Variants in MACROD2 observed in about 807,000 individuals in gnomAD.
MACROD2 encodes the protein mono-ADP ribosylhydrolase 2.
A neutral mutation model predicts 70.4 loss-of-function variants in MACROD2; 36 were observed. That is an observed-to-expected ratio of 0.51 (90% CI 0.39 to 0.68). The LOEUF (loss-of-function observed/expected upper bound fraction) is 0.68. Among genes scored for constraint, MACROD2 ranks in the 30% least tolerant of loss-of-function variants. MACROD2 has a pLI of 0.00. For missense variants in MACROD2, 496 were observed against 538.4 expected (o/e 0.92, Z 0.78); for synonymous variants, 172 against 178.8 (o/e 0.96, Z 0.30).
chr20:14,127,795 A>G (rs1055315754), intron 3 of MACROD2: 4 of 453,740 alleles, frequency 8.8e-6, no homozygotes, highest in African/African-American at 4.0e-5. Flanking sequence ...GCAAAAGAGA[A>G]AATTGAAGAG....
intron 3 of MACROD2, among the ~76,000 whole-genome samples, chr20:14,401,452 T>C (rs1218348355): frequency 6.6e-6 from 1 of 152,204 alleles, no homozygotes; most frequent in African/African-American, 2.4e-5. Flanking sequence ...CCTGAAATTT[T>C]TGTTTGTGTA....
rs532014476 is a variant in MACROD2, at chr20:14,155,623, T to C, written c.271+69895T>C. On this transcript the variant is annotated intron_variant, in intron 3 of 17. Coordinates refer to ENST00000684519, the MANE Select transcript of MACROD2 (RefSeq NM_001351661.2). ...TTTAAACAAGTCAAGATAAATGTGT[T>C]CCTGGCTTTTTTAATCTTAAAATAG... Among the ~76,000 whole-genome samples, 12 of 152,316 alleles carry C rather than the reference T, an allele frequency of 7.9e-5. No homozygotes were observed. The East Asian group carries it at 2.1e-3, about 27-fold the overall frequency.
At chr20:14,897,272 C>G (rs2073841751) in intron 5 of MACROD2, among the ~76,000 whole-genome samples, 1 of 151,970 alleles carries the variant, frequency 6.6e-6, no homozygotes, top group South Asian at 2.1e-4. Context: ...AGGTGGGTGT[C>G]TAATGTAACT....
chr20:15,090,467 C>T (rs943964244), intron 5 of MACROD2, among the ~76,000 whole-genome samples: 6 of 151,988 alleles, frequency 3.9e-5, no homozygotes, highest in African/African-American at 1.4e-4. Context: ...CTTACAAGAA[C>T]AAAAGGTACA....
At chr20:14,348,169 T>C (rs2083082347) in intron 3 of MACROD2, among the ~76,000 whole-genome samples, 1 of 151,402 alleles carries the variant, frequency 6.6e-6, no homozygotes, top group Non-Finnish European at 1.5e-5. Context: ...CTTGGGAGGC[T>C]GAGGCAGGAG....
intron 5 of MACROD2, among the ~76,000 whole-genome samples, chr20:14,794,299 T>TTCCTACTACA (rs2072486127): frequency 6.6e-6 from 1 of 152,154 alleles, no homozygotes; most frequent in Non-Finnish European, 1.5e-5. Context: ...TCCTACTTAC[T>TTCCTACTACA]ATGTCACCAT....
chr20:15,651,514 G>C (rs770031873), intron 8 of MACROD2, among the ~76,000 whole-genome samples: 59 of 152,090 alleles, frequency 3.9e-4, no homozygotes, highest in African/African-American at 1.4e-3. Flanking sequence ...ATTCGGCTTT[G>C]TGGGTTTTAT....
intron 4 of MACROD2, among the ~76,000 whole-genome samples, chr20:14,600,651 C>T (rs1452450747): frequency 1.3e-5 from 2 of 152,080 alleles, no homozygotes; most frequent in African/African-American, 4.8e-5. Context: ...AATTAAATGA[C>T]ATTTATAAAG....
intron 3 of MACROD2, among the ~76,000 whole-genome samples, chr20:14,165,244 G>A (rs1395888590): frequency 1.3e-5 from 2 of 152,112 alleles, no homozygotes; most frequent in South Asian, 2.1e-4. Flanking sequence ...TGGTCTCAGG[G>A]CCTGCAGGGG....
Position 15,017,516 on chromosome 20 carries a change from C to T in MACROD2, c.419-212424C>T, listed in dbSNP as rs369290363. ...ATCTGCCATTCTGGGGTCTGGAGGA[C>T]GGTGGTCCTCTTCTCACAGCTCCAC... On this transcript the variant is annotated intron_variant, in intron 5 of 17. Coordinates refer to ENST00000684519, the MANE Select transcript of MACROD2 (RefSeq NM_001351661.2). 2.3e-4 allele frequency among the ~76,000 whole-genome samples: 35 copies of T among 152,260 alleles called. No homozygotes were observed. The South Asian group carries it at 2.7e-3, about 12-fold the overall frequency.
intron 8 of MACROD2, among the ~76,000 whole-genome samples, chr20:15,570,837 C>T (rs1360449241): frequency 6.6e-6 from 1 of 151,698 alleles, no homozygotes; most frequent in Non-Finnish European, 1.5e-5. Flanking sequence ...TGATTGGTTT[C>T]ATAGATCAAA....
chr20:14,820,386 G>A (rs1360467511), intron 5 of MACROD2, among the ~76,000 whole-genome samples: 1 of 83,926 alleles, frequency 1.2e-5, no homozygotes, highest in Middle Eastern at 5.8e-3. Context: ...TGTTTTCTCT[G>A]CTTTAGTTTT....
chr20:15,574,205 T>C (rs2048413957), intron 8 of MACROD2, among the ~76,000 whole-genome samples: 1 of 151,880 alleles, frequency 6.6e-6, no homozygotes, highest in East Asian at 1.9e-4. Context: ...ATACTTGGCA[T>C]GTCATAATGA....
chr20:15,819,297 G>GTATATAAATATATATACTTATA (rs1555783410), intron 8 of MACROD2, among the ~76,000 whole-genome samples: 2 of 136,758 alleles, frequency 1.5e-5, no homozygotes, highest in African/African-American at 5.4e-5. Flanking sequence ...TTATATATAA[G>GTATATAAATATATATACTTATA]TATATAAATA....
intron 6 of MACROD2, among the ~76,000 whole-genome samples, chr20:15,400,893 C>T (rs1386288598): frequency 6.6e-6 from 1 of 152,132 alleles, no homozygotes; most frequent in African/African-American, 2.4e-5. Flanking sequence ...CTCATTTGTG[C>T]CCCATGAGGG....
intron 3 of MACROD2, among the ~76,000 whole-genome samples, chr20:14,317,616 CAAAA>C (rs57339002): frequency 2.7e-5 from 3 of 112,730 alleles, no homozygotes; most frequent in African/African-American, 6.4e-5. Flanking sequence ...GAGACTGTCT[CAAAA>C]AAAAAAAAAA....
At chr20:15,327,544 G>A (rs1034872217) in intron 6 of MACROD2, among the ~76,000 whole-genome samples, 4 of 152,074 alleles carry the variant, frequency 2.6e-5, no homozygotes, top group African/African-American at 9.7e-5. Flanking sequence ...GCAAAAGGGG[G>A]AAAAGCCCCT....
intron 8 of MACROD2, among the ~76,000 whole-genome samples, chr20:15,523,783 G>A (rs2047683309): frequency 6.6e-6 from 1 of 152,198 alleles, no homozygotes; most frequent in Admixed American, 6.5e-5. Flanking sequence ...TTTCTCCATA[G>A]AGAGGTGGTT....
chr20:14,015,351 G>A (rs2052973461), intron 2 of MACROD2, among the ~76,000 whole-genome samples: 1 of 152,164 alleles, frequency 6.6e-6, no homozygotes, highest in Non-Finnish European at 1.5e-5. Context: ...GGAGGCTGAA[G>A]CAGGAGGATA....
Sources: allele counts gnomAD v4.1 joint callset (sites outside exome capture counted in the v4.1 genomes callset), GRCh38; gene constraint gnomAD v4.1.1; transcripts MANE v1.5; gene names NCBI Gene and HGNC (gene_info 2026-07-23, HGNC 2026-07-21).